Variants in KCNK9 observed in about 807,000 individuals in gnomAD.
The protein encoded by KCNK9 is potassium two pore domain channel subfamily K member 9.
In KCNK9, 1 loss-of-function variant was observed where a neutral mutation model predicts 10.8. The ratio of observed to expected loss-of-function variants is 0.09; its 90% CI spans 0.03 to 0.44. KCNK9 has a LOEUF of 0.44. Among genes scored for constraint, KCNK9 ranks in the 20% least tolerant of loss-of-function variants. KCNK9 has a pLI of 0.97. For missense variants in KCNK9, 303 were observed against 515.0 expected, an observed-to-expected ratio of 0.59 and a Z score of 3.98; for synonymous variants, 231 against 222.7, an observed-to-expected ratio of 1.04 and a Z score of -0.33.
intron 1 of KCNK9, among the ~76,000 whole-genome samples, chr8:139,621,474 A>C (rs1814780284): frequency 6.6e-6 from 1 of 152,148 alleles, no homozygotes. Context: ...GGGAACAATA[A>C]TATAATATTG....
intron 1 of KCNK9, among the ~76,000 whole-genome samples, chr8:139,697,647 A>T (rs1817095116): frequency 6.6e-6 from 1 of 152,090 alleles, no homozygotes; most frequent in African/African-American, 2.4e-5. Flanking sequence ...CACTGATGAA[A>T]GTGACCCAGG....
intron 1 of KCNK9, among the ~76,000 whole-genome samples, chr8:139,673,212 C>T (rs988778825): frequency 3.3e-5 from 5 of 150,396 alleles, no homozygotes; most frequent in Admixed American, 6.6e-5. Flanking sequence ...AATGGAGGGC[C>T]GGGGGTGATG....
chr8:139,649,899 G>C (rs921999556), intron 1 of KCNK9, among the ~76,000 whole-genome samples: 1 of 152,230 alleles, frequency 6.6e-6, no homozygotes, highest in East Asian at 1.9e-4. Context: ...CCTTGGACAA[G>C]GAGGAGCAGG....
chr8:139,639,637 G>C (rs749516585), intron 1 of KCNK9, among the ~76,000 whole-genome samples: 12 of 152,214 alleles, frequency 7.9e-5, no homozygotes, highest in Admixed American at 6.5e-5. Context: ...AGACCCACAT[G>C]TGACACAAGA....
rs1817080105 is a variant in KCNK9 at position 139,697,181 on chromosome 8, T to C, written c.283+5529A>G. The stretch of plus-strand genomic sequence containing the variant: ...ATGGGTAGATGGGTGGGTGGACAGA[T>C]GGATGGTGGATGGGTGGATGAGTGG... On this transcript the variant is annotated intron_variant, in intron 1 of 1. Coordinates refer to ENST00000520439, the MANE Select transcript of KCNK9 (RefSeq NM_001282534.2). 2.9e-5 allele frequency among the ~76,000 whole-genome samples: 3 copies of C among 101,918 alleles called. No homozygotes were observed. The South Asian group carries it at 1.0e-3, about 34-fold the overall frequency. The allele number at this position is 101,918 out of a possible 152,430, so 66.9% of individuals were successfully genotyped here. A position where few individuals can be genotyped will look rare whatever the true frequency, so the allele number is the denominator to read the frequency against.
intron 1 of KCNK9, among the ~76,000 whole-genome samples, chr8:139,701,542 AG>A (rs1436620057): frequency 6.6e-6 from 1 of 151,864 alleles, no homozygotes; most frequent in South Asian, 2.1e-4. Context: ...GGAAGAAGGG[AG>A]GGGGGAAGGA....
downstream of KCNK9, among the ~76,000 whole-genome samples, chr8:139,608,376 C>G (rs944262651): frequency 2.0e-5 from 3 of 152,234 alleles, no homozygotes; most frequent in Non-Finnish European, 4.4e-5. Flanking sequence ...GGGTTTCCAC[C>G]CCCCAATCCT....
In KCNK9 at chr8:139,643,968, C is replaced by T. The variant is rs571139422; in HGVS notation, c.284-24869G>A. 2.1e-4 allele frequency among the ~76,000 whole-genome samples: 32 copies of T among 152,310 alleles called. 1 individual carries two copies. Among genetic ancestry groups the T allele is most frequent in the East Asian group, 7.7e-4 (4 of 5,176 alleles). On this transcript the variant is annotated intron_variant, in intron 1 of 1. Transcript: ENST00000520439. Reference sequence around the variant, plus strand: ...TCCCGGGGTGGTGTCTGCCTAGATCCGGGCCCCATGAAGGCGGTGATTGTG... The same window carrying T: ...TCCCGGGGTGGTGTCTGCCTAGATCTGGGCCCCATGAAGGCGGTGATTGTG...
At chr8:139,694,638 C>T (rs933563296) in intron 1 of KCNK9, among the ~76,000 whole-genome samples, 1 of 152,210 alleles carries the variant, frequency 6.6e-6, no homozygotes, top group African/African-American at 2.4e-5. Flanking sequence ...CTGCCCCCCA[C>T]TCTCCAGATG....
In KCNK9 at chr8:139,626,211, C is replaced by G. The variant is rs368064217; in HGVS notation, c.284-7112G>C. ...AAGAGCTGTCTGTGGCTCCCCATGTCCCCCCTGGCAATCTAGGTACATCCA... is the reference window on the plus strand; with the variant it reads ...AAGAGCTGTCTGTGGCTCCCCATGTGCCCCCTGGCAATCTAGGTACATCCA... On this transcript the variant is annotated intron_variant, in intron 1 of 1. Coordinates refer to ENST00000520439, the MANE Select transcript of KCNK9 (RefSeq NM_001282534.2). 2.6e-5 allele frequency among the ~76,000 whole-genome samples: 4 copies of G among 152,174 alleles called. No homozygotes were observed. The South Asian group carries it at 8.3e-4, about 32-fold the overall frequency.
intron 1 of KCNK9, among the ~76,000 whole-genome samples, chr8:139,683,561 T>G (rs913371099): frequency 6.6e-6 from 1 of 152,168 alleles, no homozygotes; most frequent in Non-Finnish European, 1.5e-5. Flanking sequence ...TACTCACGCA[T>G]GGGGAGACTA....
intron 1 of KCNK9, among the ~76,000 whole-genome samples, chr8:139,652,491 T>TGCACATGCATC (rs1815896686): frequency 6.6e-6 from 1 of 152,072 alleles, no homozygotes; most frequent in Non-Finnish European, 1.5e-5. Flanking sequence ...GTGGGGTCCT[T>TGCACATGCATC]CCCTCTCTGC....
chr8:139,645,488 G>A (rs1273190801), intron 1 of KCNK9, among the ~76,000 whole-genome samples: 2 of 152,166 alleles, frequency 1.3e-5, no homozygotes, highest in South Asian at 2.1e-4. Flanking sequence ...TCCAGCCCAC[G>A]GCTTCCCTGT....
intron 1 of KCNK9, among the ~76,000 whole-genome samples, chr8:139,624,253 C>T (rs963878371): frequency 6.6e-6 from 1 of 152,232 alleles, no homozygotes; most frequent in African/African-American, 2.4e-5. Flanking sequence ...CAGATGGTCA[C>T]ACGGAGTCAG....
chr8:139,659,252 C>T (rs946670220), intron 1 of KCNK9, among the ~76,000 whole-genome samples: 9 of 152,158 alleles, frequency 5.9e-5, no homozygotes, highest in Non-Finnish European at 1.2e-4. Flanking sequence ...GGCTGGAGTC[C>T]TGACCCCCTG....
chr8:139,699,299 G>A (rs190279138), intron 1 of KCNK9, among the ~76,000 whole-genome samples: 2 of 152,290 alleles, frequency 1.3e-5, no homozygotes, highest in African/African-American at 4.8e-5. Flanking sequence ...GTGTGTTCCA[G>A]GGGTCCCTTA....
At chr8:139,665,609 C>T (rs1489390809) in intron 1 of KCNK9, among the ~76,000 whole-genome samples, 3 of 152,340 alleles carry the variant, frequency 2.0e-5, no homozygotes, top group South Asian at 2.1e-4. Flanking sequence ...GCTCTGTGCC[C>T]ACCTGCCGGA....
At chr8:139,606,549 G>A (rs2545432) in intron 2 of KCNK9, among the ~76,000 whole-genome samples, 46,302 of 152,036 alleles carry the variant, frequency 0.3, 7,721 homozygotes, top group Non-Finnish European at 0.38. Flanking sequence ...ACTAATTCAA[G>A]CTTAATTTCT....
downstream of KCNK9, among the ~76,000 whole-genome samples, chr8:139,613,473 C>T (rs1484739097): frequency 4.6e-5 from 7 of 152,322 alleles, no homozygotes; most frequent in East Asian, 1.4e-3. Flanking sequence ...ATGGTTCTCT[C>T]TGCTATTGCC....
Sources: gnomAD v4.1 joint callset for allele counts (sites outside exome capture counted in the v4.1 genomes callset) on GRCh38, gnomAD v4.1.1 for gene constraint, MANE v1.5 for transcripts, NCBI Gene and HGNC (gene_info 2026-07-23, HGNC 2026-07-21) for gene names.